SLC8A1: variants seen among roughly 807,000 people sequenced by gnomAD.
SLC8A1 encodes the protein solute carrier family 8 member A1.
In SLC8A1, 18 loss-of-function variants were observed where a neutral mutation model predicts 68.3. The ratio of observed to expected loss-of-function variants is 0.26; its 90% CI spans 0.18 to 0.39. SLC8A1 has a LOEUF of 0.39. Ranked by LOEUF, SLC8A1 falls within the 10% of genes least tolerant of loss-of-function variation. The pLI, the probability that SLC8A1 is intolerant of heterozygous loss-of-function variation, is 1.00. For synonymous variants in SLC8A1, 475 were observed against 415.5 expected, an observed-to-expected ratio of 1.14 and a Z score of -1.74; for missense variants, 985 against 1,156.7, an observed-to-expected ratio of 0.85 and a Z score of 2.15.
chr2:40,375,953 A>G (rs774495779), intron 2 of SLC8A1, among the ~76,000 whole-genome samples: 16 of 152,102 alleles, frequency 1.1e-4, no homozygotes, highest in Non-Finnish European at 2.2e-4. Context: ...GTGAGCTGAG[A>G]CAGCACCACT....
chr2:40,448,285 GA>G (rs1559723483), intron 1 of SLC8A1, among the ~76,000 whole-genome samples: 2 of 152,068 alleles, frequency 1.3e-5, no homozygotes, highest in East Asian at 3.9e-4. Flanking sequence ...GCCAGGGAGA[GA>G]AAGAGAGAAA....
chr2:40,433,718 C>G (rs572372690), intron 1 of SLC8A1, among the ~76,000 whole-genome samples: 2 of 152,192 alleles, frequency 1.3e-5, no homozygotes, highest in East Asian at 1.9e-4. Flanking sequence ...CAACTAAGAC[C>G]CAACCCCTGG....
exon 8 of SLC8A1, chr2:40,100,077 T>C (rs1417491308): frequency 6.6e-6 from 1 of 152,108 alleles, no homozygotes; most frequent in African/African-American, 2.4e-5. Context: ...TTATGGCTTA[T>C]TGGAAGAGTG....
At chr2:40,297,761 T>C (rs1308167990) in intron 2 of SLC8A1, among the ~76,000 whole-genome samples, 1 of 152,148 alleles carries the variant, frequency 6.6e-6, no homozygotes, top group Admixed American at 6.5e-5. Flanking sequence ...AGTAACAGTC[T>C]CAAGAAATGA....
intron 2 of SLC8A1, among the ~76,000 whole-genome samples, chr2:40,262,656 G>A (rs2064862791): frequency 6.6e-6 from 1 of 152,076 alleles, no homozygotes; most frequent in South Asian, 2.1e-4. Context: ...GTCCCTAATT[G>A]CACTAGGAAC....
At chr2:40,490,884 G>GATACAAAATAAAATACAAAATAAA (rs1222403943) in intron 1 of SLC8A1, among the ~76,000 whole-genome samples, 1 of 151,994 alleles carries the variant, frequency 6.6e-6, no homozygotes, top group Admixed American at 6.6e-5. Flanking sequence ...ATCGTACTGA[G>GATACAAAATAAAATACAAAATAAA]ATACAAAATA....
intron 2 of SLC8A1, among the ~76,000 whole-genome samples, chr2:40,405,835 T>C (rs1690164042): frequency 6.6e-6 from 1 of 152,198 alleles, no homozygotes; most frequent in Non-Finnish European, 1.5e-5. Context: ...ATTCTGATGG[T>C]ATGAATAAGC....
intron 2 of SLC8A1, among the ~76,000 whole-genome samples, chr2:40,363,598 G>A (rs1326679244): frequency 6.6e-6 from 1 of 152,136 alleles, no homozygotes; most frequent in Non-Finnish European, 1.5e-5. Flanking sequence ...TTACCATTAT[G>A]TCAGTTGTTC....
At chr2:40,102,625 T>C (rs1231156331) in exon 8 of SLC8A1, 3 of 152,152 alleles carry the variant, frequency 2.0e-5, no homozygotes, top group Non-Finnish European at 4.4e-5. Flanking sequence ...AGCAGCTGTC[T>C]GTGAGGAAGA....
intron 2 of SLC8A1, among the ~76,000 whole-genome samples, chr2:40,296,129 C>T (rs1426472158): frequency 1.3e-5 from 2 of 152,164 alleles, no homozygotes; most frequent in Non-Finnish European, 2.9e-5. Flanking sequence ...AATTCACTCT[C>T]CTTAATTCAT....
At chr2:40,429,297 C>T in exon 2 of SLC8A1, 1 of 1,613,914 alleles carries the variant, frequency 6.2e-7, no homozygotes, top group African/African-American at 1.3e-5. Context: ...CCTTCAGAAT[C>T]CTAGCCATTT....
At chr2:40,259,512 C>A (rs1296710854) in intron 2 of SLC8A1, among the ~76,000 whole-genome samples, 1 of 152,076 alleles carries the variant, frequency 6.6e-6, no homozygotes, top group Middle Eastern at 3.2e-3. Context: ...AATAGGGTCT[C>A]ATTCTGTGCC....
chr2:40,209,924 A>G (rs999598696), intron 2 of SLC8A1: 2 of 152,250 alleles, frequency 1.3e-5, no homozygotes, highest in Admixed American at 6.5e-5. Flanking sequence ...GACTTATGAC[A>G]TCATCAAGTG....
chr2:40,303,315 C>G (rs1348680185), intron 2 of SLC8A1, among the ~76,000 whole-genome samples: 1 of 152,198 alleles, frequency 6.6e-6, no homozygotes, highest in African/African-American at 2.4e-5. Context: ...CTTAGTTGCA[C>G]ACACATTCAT....
At chr2:40,219,264 G>C (rs2057962789) in intron 2 of SLC8A1, among the ~76,000 whole-genome samples, 1 of 152,176 alleles carries the variant, frequency 6.6e-6, no homozygotes, top group Non-Finnish European at 1.5e-5. Flanking sequence ...CACAGCTCTT[G>C]TTTGACCTTG....
chr2:40,469,009 G>A lies in SLC8A1; in HGVS notation c.-24-38705C>T, dbSNP rs184765157. Among the ~76,000 whole-genome samples the A allele has an allele frequency of 4.4e-3, 669 of 152,164 alleles. 2 individuals are homozygous for A. The highest frequency in any genetic ancestry group is 7.9e-3 in the Non-Finnish European group (539 of 67,994). On this transcript the variant is annotated intron_variant, in intron 1 of 7. Coordinates refer to the SLC8A1 transcript ENST00000402441. ...AATATTTCAATATATGCTTCTAAAA[G>A]AAGTCTGTATTTCATAAGTGCAAAA...
chr2:40,205,731 G>A (rs1004355011), intron 2 of SLC8A1, among the ~76,000 whole-genome samples: 2 of 148,564 alleles, frequency 1.3e-5, no homozygotes, highest in African/African-American at 4.9e-5. Flanking sequence ...GAGATAATCT[G>A]TACAATAAAT....
rs780255113 is a variant in SLC8A1 at position 40,430,273 on chromosome 2, T to C, written c.8A>G (p.Asn3Ser). The C allele has an allele frequency of 5.5e-5, 89 of 1,609,036 alleles. No homozygotes were observed. The Admixed American group carries it at 1.3e-3, about 24-fold the overall frequency. ...GGGTGAAAGACTTAATCGCCGCATG[T>C]TGTACATGACACTTCCAACTGTCAC... The change falls in exon 2 of 8, where the codon AAC becomes AGC. Residue 3 changes from asparagine to serine, a missense_variant. By Grantham distance (46) the Asn-to-Ser change is conservative. Around this residue, in one of 5 missense-constraint regions of SLC8A1, gnomAD observed 150 missense variants for 160.9 expected, o/e 0.93. Coordinates refer to ENST00000406785, the Ensembl canonical transcript of SLC8A1.
intron 2 of SLC8A1, among the ~76,000 whole-genome samples, chr2:40,356,585 G>A (rs546322863): frequency 2.2e-4 from 32 of 147,798 alleles, no homozygotes; most frequent in African/African-American, 7.6e-4. Flanking sequence ...TCAAAATCAC[G>A]TATGGTCCAA....
Sources: allele counts gnomAD v4.1 joint callset (sites outside exome capture counted in the v4.1 genomes callset), GRCh38; gene constraint gnomAD v4.1.1; regional missense constraint gnomAD v4.1.1; transcripts MANE v1.5; gene names NCBI Gene and HGNC (gene_info 2026-07-23, HGNC 2026-07-21).